PDZD2: variants seen among roughly 807,000 people sequenced by gnomAD.
The protein encoded by PDZD2 is PDZ domain-containing protein 2.
In PDZD2, 90 loss-of-function variants were observed where a neutral mutation model predicts 220.7. The ratio of observed to expected loss-of-function variants is 0.41; its 90% CI spans 0.34 to 0.49. The LOEUF is 0.49. PDZD2 is among the 20% of genes least tolerant of loss of function. The pLI is 0.28. For missense variants in PDZD2, 3,174 were observed against 3,608.5 expected (o/e 0.88, Z 3.08); for synonymous variants, 1,375 against 1,450.5 (o/e 0.95, Z 1.18).
At chr5:32,030,557 C>A (rs1007387171) in intron 6 of PDZD2, among the ~76,000 whole-genome samples, 1 of 152,154 alleles carries the variant, frequency 6.6e-6, no homozygotes, top group African/African-American at 2.4e-5. Context: ...GGTTTGCATG[C>A]TGAATTTGGG....
chr5:31,799,793 C>G (rs911602593), intron 2 of PDZD2, 69 bp downstream of exon 2: 2 of 1,002,926 alleles, frequency 2.0e-6, no homozygotes, highest in Non-Finnish European at 3.1e-6. Context: ...AGATCTGCAG[C>G]TGCAGAGGTT....
At chr5:31,797,429 G>A (rs10472782) in intron 1 of PDZD2, among the ~76,000 whole-genome samples, 12,577 of 151,948 alleles carry the variant, frequency 0.083, 996 homozygotes, top group African/African-American at 0.21. Context: ...GATCAGCCTG[G>A]CCAACAGAGT....
chr5:31,993,053 C>T (rs1751356356), intron 3 of PDZD2, among the ~76,000 whole-genome samples: 1 of 152,138 alleles, frequency 6.6e-6, no homozygotes, highest in South Asian at 2.1e-4. Flanking sequence ...AAGTTGCCAT[C>T]TTGGTGGTTG....
intron 1 of PDZD2, among the ~76,000 whole-genome samples, chr5:31,665,461 C>T (rs1055432745): frequency 1.3e-5 from 2 of 152,122 alleles, no homozygotes; most frequent in Admixed American, 6.5e-5. Flanking sequence ...GGTTTGAAAG[C>T]TGATACGGTT....
intron 2 of PDZD2, chr5:31,855,149 A>T (rs1758333827): frequency 1.0e-6 from 1 of 980,492 alleles, no homozygotes; most frequent in African/African-American, 1.7e-5. Flanking sequence ...AACCCTCCGA[A>T]GGTGACTTCA....
At position 31,745,497 on chromosome 5, in the gene PDZD2, G is replaced by A. The variant is rs761817476; in HGVS notation, c.-360-53392G>A. 2.7e-4 allele frequency among the ~76,000 whole-genome samples: 41 copies of A among 152,162 alleles called. 1 individual carries two copies. Among genetic ancestry groups the A allele is most frequent in the Non-Finnish European group, 3.4e-4 (23 of 68,038 alleles). Reference sequence around the variant, plus strand: ...TGTCCTCCAAGAAGCTCTCACACACGCCCTGGAGAGACATCCTTGCCCAGG... The same window carrying A: ...TGTCCTCCAAGAAGCTCTCACACACACCCTGGAGAGACATCCTTGCCCAGG... On this transcript the variant is annotated intron_variant, in intron 1 of 24. Transcript: ENST00000438447.
At chr5:32,060,299 C>G (rs1228641711) in intron 13 of PDZD2, among the ~76,000 whole-genome samples, 1 of 152,168 alleles carries the variant, frequency 6.6e-6, no homozygotes, top group Admixed American at 6.5e-5. Flanking sequence ...TTCCATATGT[C>G]TGGAGCCTGC....
At chr5:32,069,086 T>C (rs1740498941) in intron 14 of PDZD2, among the ~76,000 whole-genome samples, 1 of 151,974 alleles carries the variant, frequency 6.6e-6, no homozygotes. Context: ...ACCAATATAC[T>C]GAAACCCTGT....
At chr5:31,715,842 AG>A (rs1748413121) in intron 1 of PDZD2, among the ~76,000 whole-genome samples, 1 of 152,246 alleles carries the variant, frequency 6.6e-6, no homozygotes, top group Non-Finnish European at 1.5e-5. Flanking sequence ...ATACCATAAA[AG>A]AGCTGATTCC....
At chr5:31,696,353 G>A (rs986761805) in intron 1 of PDZD2, among the ~76,000 whole-genome samples, 7 of 152,162 alleles carry the variant, frequency 4.6e-5, no homozygotes, top group Non-Finnish European at 7.3e-5. Context: ...AGGTTGTAGT[G>A]CAGTGGCACA....
At chr5:31,922,240 A>T (rs1475885092) in intron 2 of PDZD2, among the ~76,000 whole-genome samples, 1 of 152,192 alleles carries the variant, frequency 6.6e-6, no homozygotes, top group Non-Finnish European at 1.5e-5. Flanking sequence ...GAATGGACGT[A>T]ATTCCAAGAG....
chr5:32,076,627 A>C (rs1017043370), intron 18 of PDZD2, among the ~76,000 whole-genome samples: 1 of 152,228 alleles, frequency 6.6e-6, no homozygotes, highest in Admixed American at 6.5e-5. Flanking sequence ...TTTAAATTGA[A>C]GTGAAATTCA....
At chr5:32,035,533 A>G (rs10940996) in intron 6 of PDZD2, among the ~76,000 whole-genome samples, 80,681 of 151,332 alleles carry the variant, frequency 0.53, 22,395 homozygotes, top group South Asian at 0.63. Flanking sequence ...GGGTCTTGCG[A>G]TGTTGCCCAG....
chr5:32,002,792 C>CACCACCAACACA (rs1171803917), intron 5 of PDZD2, among the ~76,000 whole-genome samples: 1 of 111,918 alleles, frequency 8.9e-6, no homozygotes, highest in East Asian at 2.9e-4. Flanking sequence ...CAACCACACA[C>CACCACCAACACA]ACCACCAACA....
At chr5:31,955,205 A>G (rs1747551875) in intron 2 of PDZD2, among the ~76,000 whole-genome samples, 1 of 151,936 alleles carries the variant, frequency 6.6e-6, no homozygotes. Context: ...TGACATTGGG[A>G]TGATTCACAT....
chr5:31,948,688 T>A (rs975505447), intron 2 of PDZD2, among the ~76,000 whole-genome samples: 1 of 152,156 alleles, frequency 6.6e-6, no homozygotes, highest in Non-Finnish European at 1.5e-5. Context: ...TTTAATGATA[T>A]GATGTAAATG....
intron 1 of PDZD2, among the ~76,000 whole-genome samples, chr5:31,774,290 AAAAGAAAGAT>A (rs1468046156): frequency 6.6e-6 from 1 of 152,100 alleles, no homozygotes; most frequent in African/African-American, 2.4e-5. Flanking sequence ...AGGAGTAGAT[AAAAGAAAGAT>A]GAGGAAAGGT....
At chr5:31,721,729 G>T (rs190426) in intron 1 of PDZD2, among the ~76,000 whole-genome samples, 122,258 of 150,430 alleles carry the variant, frequency 0.81, 49,979 homozygotes, top group East Asian at 0.94. Flanking sequence ...AAAAAATGAG[G>T]CTTAGCTGTC....
At chr5:32,051,529 T>C (rs548032690) in intron 8 of PDZD2, among the ~76,000 whole-genome samples, 1 of 152,330 alleles carries the variant, frequency 6.6e-6, no homozygotes, top group Admixed American at 6.5e-5. Flanking sequence ...TTAGGTAGAA[T>C]ATCTGCATCA....
Sources: allele counts gnomAD v4.1 joint callset (sites outside exome capture counted in the v4.1 genomes callset), GRCh38; gene constraint gnomAD v4.1.1; transcripts MANE v1.5; gene names NCBI Gene and HGNC (gene_info 2026-07-23, HGNC 2026-07-21).